The following NREP variants were observed in gnomAD, a reference collection of about 807,000 sequenced individuals.
NREP encodes neuronal regeneration related protein.
A neutral mutation model predicts 8.6 loss-of-function variants in NREP; 5 were observed. The observed-to-expected ratio is 0.58, with a 90% CI of 0.30 to 1.22. The LOEUF is 1.22. NREP is among the 50% of genes most tolerant of loss of function. The pLI, the probability that NREP is intolerant of heterozygous loss-of-function variation, is 0.07. For synonymous variants in NREP, 27 were observed against 28.0 expected, an observed-to-expected ratio of 0.96 and a Z score of 0.11; for missense variants, 86 against 82.5, an observed-to-expected ratio of 1.04 and a Z score of -0.17.
chr5:111,867,741 C>G (rs1336323037), intron 2 of NREP, among the ~76,000 whole-genome samples: 4 of 151,920 alleles, frequency 2.6e-5, no homozygotes, highest in East Asian at 1.9e-4. Flanking sequence ...AATATGGTAC[C>G]CTTATCTGAT....
At chr5:111,887,063 A>G (rs149406584) in intron 2 of NREP, among the ~76,000 whole-genome samples, 1,559 of 152,030 alleles carry the variant, frequency 0.01, 22 homozygotes, top group African/African-American at 0.035. Context: ...AACTGGGACT[A>G]CAGGTGCATG....
chr5:111,921,998 C>A (rs1473251176), intron 2 of NREP, among the ~76,000 whole-genome samples: 1 of 152,112 alleles, frequency 6.6e-6, no homozygotes, highest in Non-Finnish European at 1.5e-5. Flanking sequence ...AACTGTAAGT[C>A]CAATTAAACC....
intron 2 of NREP, among the ~76,000 whole-genome samples, chr5:111,841,863 C>T (rs1753038528): frequency 1.3e-5 from 2 of 152,082 alleles, no homozygotes. Context: ...GCTAATGTTT[C>T]ATGCTTTTTG....
At chr5:111,840,242 C>T (rs1163206905) in intron 2 of NREP, among the ~76,000 whole-genome samples, 2 of 151,894 alleles carry the variant, frequency 1.3e-5, no homozygotes, top group South Asian at 2.1e-4. Flanking sequence ...AAAAAGAGAT[C>T]GGCTAGTATT....
At chr5:111,779,847 C>T (rs1000998021) in intron 2 of NREP, among the ~76,000 whole-genome samples, 3 of 152,154 alleles carry the variant, frequency 2.0e-5, no homozygotes, top group Admixed American at 2.0e-4. Context: ...ACATAGCTTA[C>T]CTATTAAATG....
intron 2 of NREP, among the ~76,000 whole-genome samples, chr5:111,838,739 A>T (rs559949484): frequency 2.2e-4 from 34 of 152,200 alleles, no homozygotes; most frequent in Middle Eastern, 3.4e-3. Flanking sequence ...GTATGCATAT[A>T]TAAATTTATA....
At chr5:111,915,000 G>T (rs191065305) in intron 2 of NREP, among the ~76,000 whole-genome samples, 3 of 152,028 alleles carry the variant, frequency 2.0e-5, no homozygotes, top group Non-Finnish European at 4.4e-5. Flanking sequence ...TGTAGGTAAA[G>T]GTAGCCACTC....
chr5:111,863,833 A>C (rs779600362), intron 2 of NREP, among the ~76,000 whole-genome samples: 16 of 151,978 alleles, frequency 1.1e-4, no homozygotes, highest in Non-Finnish European at 2.2e-4. Context: ...CTCAATGGGG[A>C]GCTATCACCT....
intron 2 of NREP, among the ~76,000 whole-genome samples, chr5:111,939,398 T>TA (rs1291407469): frequency 3.3e-5 from 5 of 152,016 alleles, no homozygotes; most frequent in Non-Finnish European, 7.4e-5. Context: ...TAAAGATACT[T>TA]TAGAGCAATC....
chr5:111,975,374 C>A, exon 2 of NREP: 1 of 1,551,262 alleles, frequency 6.4e-7, no homozygotes, highest in Non-Finnish European at 8.7e-7. Context: ...ATCTTCTCTT[C>A]GGCTCTGCAG....
chr5:111,816,204 C>T (rs1752382106), intron 2 of NREP, among the ~76,000 whole-genome samples: 1 of 152,050 alleles, frequency 6.6e-6, no homozygotes. Flanking sequence ...ACTTTTCTAA[C>T]AAACATACGC....
intron 2 of NREP, among the ~76,000 whole-genome samples, chr5:111,783,525 G>A (rs1040853430): frequency 6.6e-5 from 10 of 152,268 alleles, no homozygotes; most frequent in Admixed American, 6.5e-4. Context: ...ATCTCAAGGA[G>A]GAAACAATCA....
intron 2 of NREP, among the ~76,000 whole-genome samples, chr5:111,853,957 A>G (rs976146706): frequency 6.6e-6 from 1 of 152,120 alleles, no homozygotes; most frequent in African/African-American, 2.4e-5. Flanking sequence ...GCCGGAACTG[A>G]AGACATGCAA....
intron 2 of NREP, among the ~76,000 whole-genome samples, chr5:111,963,884 A>T (rs1373230881): frequency 6.6e-6 from 1 of 152,206 alleles, no homozygotes; most frequent in Non-Finnish European, 1.5e-5. Flanking sequence ...CTACCACTCA[A>T]CACTGCCTGT....
intron 2 of NREP, among the ~76,000 whole-genome samples, chr5:111,859,484 TCTC>T (rs1753498035): frequency 6.6e-6 from 1 of 151,984 alleles, no homozygotes; most frequent in Non-Finnish European, 1.5e-5. Flanking sequence ...TCCCATAAGA[TCTC>T]CTCTGGCTAT....
intron 2 of NREP, among the ~76,000 whole-genome samples, chr5:111,862,584 T>G (rs911743894): frequency 7.9e-5 from 12 of 152,090 alleles, no homozygotes; most frequent in African/African-American, 2.7e-4. Context: ...TGCTGTATCT[T>G]TTTACACATT....
rs537938622 is a variant in NREP at position 111,750,414 on chromosome 5, C to T, written c.3+5356G>A. Among the ~76,000 whole-genome samples, 18 of 152,238 alleles carry T rather than the reference C, an allele frequency of 1.2e-4. 1 individual carries two copies. The highest frequency in any genetic ancestry group is 3.4e-3 in the Middle Eastern group (1 of 294). ...TTGTGCCAACTCCAATCGTTAATGG[C>T]GCCCTGGAACACTGTATTGAGGATT... On this transcript the variant is annotated intron_variant, in intron 2 of 3. Coordinates refer to ENST00000257435, the MANE Select transcript of NREP (RefSeq NM_004772.4).
chr5:111,825,997 A>C (rs985525849), intron 2 of NREP, among the ~76,000 whole-genome samples: 3 of 148,944 alleles, frequency 2.0e-5, no homozygotes, highest in African/African-American at 7.5e-5. Context: ...TCTGTCACCC[A>C]AGCTGGAATG....
At chr5:111,921,598 C>T (rs1040423841) in intron 2 of NREP, among the ~76,000 whole-genome samples, 10 of 152,248 alleles carry the variant, frequency 6.6e-5, no homozygotes, top group Admixed American at 5.2e-4. Context: ...ATCAATGGTT[C>T]GGGCAATGTC....
Sources: gnomAD v4.1 joint callset for allele counts (sites outside exome capture counted in the v4.1 genomes callset) on GRCh38, gnomAD v4.1.1 for gene constraint, MANE v1.5 for transcripts, NCBI Gene and HGNC (gene_info 2026-07-23, HGNC 2026-07-21) for gene names.